The following KCTD16 variants were observed in gnomAD, a reference collection of about 807,000 sequenced individuals.
KCTD16 encodes the protein BTB/POZ domain-containing protein KCTD16.
A neutral mutation model predicts 33.2 loss-of-function variants in KCTD16; 13 were observed. That is an observed-to-expected ratio of 0.39 (90% CI 0.25 to 0.62). The LOEUF is 0.62. Ranked by LOEUF, KCTD16 falls within the 20% of genes least tolerant of loss-of-function variation. KCTD16 has a pLI of 0.50. For synonymous variants in KCTD16, 197 were observed against 195.3 expected (o/e 1.01, Z -0.07); for missense variants, 441 against 525.1 (o/e 0.84, Z 1.57).
intron 3 of KCTD16, among the ~76,000 whole-genome samples, chr5:144,451,278 T>A (rs750660852): frequency 6.6e-6 from 1 of 152,084 alleles, no homozygotes; most frequent in African/African-American, 2.4e-5. Context: ...AGTGGAGTAG[T>A]CAATTTCTCC....
At chr5:144,466,631 T>A (rs1391648668) in intron 3 of KCTD16, among the ~76,000 whole-genome samples, 1 of 152,072 alleles carries the variant, frequency 6.6e-6, no homozygotes, top group African/African-American at 2.4e-5. Flanking sequence ...TGTTTGAATA[T>A]TGTGTCCACT....
chr5:144,415,362 C>A (rs966492240), intron 3 of KCTD16, among the ~76,000 whole-genome samples: 4 of 152,182 alleles, frequency 2.6e-5, no homozygotes, highest in Non-Finnish European at 5.9e-5. Flanking sequence ...TAGCAACAAC[C>A]ATATTACCAT....
intron 3 of KCTD16, among the ~76,000 whole-genome samples, chr5:144,220,699 T>C (rs1753719356): frequency 6.6e-6 from 1 of 152,104 alleles, no homozygotes; most frequent in African/African-American, 2.4e-5. Flanking sequence ...CCCAGCACTT[T>C]GGGAGGCCGA....
chr5:144,243,199 G>T (rs1173023405), intron 3 of KCTD16, among the ~76,000 whole-genome samples: 1 of 152,018 alleles, frequency 6.6e-6, no homozygotes, highest in Non-Finnish European at 1.5e-5. Flanking sequence ...TATTACTTTT[G>T]ATGTGGATCT....
intron 3 of KCTD16, among the ~76,000 whole-genome samples, chr5:144,230,173 A>AT (rs1225809519): frequency 1.4e-4 from 21 of 152,300 alleles, no homozygotes; most frequent in African/African-American, 5.1e-4. Context: ...TCAGCAGTGC[A>AT]TTGCACTGTT....
chr5:144,311,794 T>C (rs1751773195), intron 3 of KCTD16, among the ~76,000 whole-genome samples: 1 of 152,178 alleles, frequency 6.6e-6, no homozygotes. Flanking sequence ...TATTACAGAC[T>C]TTTAAACACT....
intron 3 of KCTD16, among the ~76,000 whole-genome samples, chr5:144,418,792 T>C (rs1753143221): frequency 6.6e-6 from 1 of 152,202 alleles, no homozygotes; most frequent in Non-Finnish European, 1.5e-5. Context: ...ACTGTCTATG[T>C]GCCAGACCAT....
At chr5:144,209,454 A>G (rs1038363680) in intron 3 of KCTD16, among the ~76,000 whole-genome samples, 1 of 152,166 alleles carries the variant, frequency 6.6e-6, no homozygotes, top group Non-Finnish European at 1.5e-5. Flanking sequence ...GCACAAATGC[A>G]CAGGAACTTC....
chr5:144,344,718 A>C (rs1211280014), intron 3 of KCTD16, among the ~76,000 whole-genome samples: 2 of 150,502 alleles, frequency 1.3e-5, no homozygotes, highest in East Asian at 3.9e-4. Flanking sequence ...GGTGCTGGAG[A>C]GGATGTGGAG....
In KCTD16 at chr5:144,443,692, T is replaced by C. The variant is rs576835616; in HGVS notation, c.833-29968T>C. Among the ~76,000 whole-genome samples the C allele has an allele frequency of 6.3e-4, 96 of 152,242 alleles. 1 individual carries two copies. Among genetic ancestry groups the C allele is most frequent in the African/African-American group, 2.3e-3 (95 of 41,568 alleles). On this transcript the variant is annotated intron_variant, in intron 3 of 3. Coordinates refer to ENST00000512467, the MANE Select transcript of KCTD16 (RefSeq NM_020768.4). ...AACTCATTGATTTAAACATATTTGA[T>C]GGCTTAAATCTATTATAATTATTAT...
intron 3 of KCTD16, among the ~76,000 whole-genome samples, chr5:144,451,709 T>G (rs1257641042): frequency 6.6e-6 from 1 of 152,160 alleles, no homozygotes; most frequent in Non-Finnish European, 1.5e-5. Context: ...TCAGTTTGAT[T>G]TATTTAGACT....
At chr5:144,286,950 T>G (rs1338633124) in intron 3 of KCTD16, among the ~76,000 whole-genome samples, 1 of 152,218 alleles carries the variant, frequency 6.6e-6, no homozygotes, top group Non-Finnish European at 1.5e-5. Flanking sequence ...ATACATTTTA[T>G]GATTTACCTC....
chr5:144,180,796 G>A (rs950798741), intron 2 of KCTD16, among the ~76,000 whole-genome samples: 7 of 151,840 alleles, frequency 4.6e-5, no homozygotes, highest in African/African-American at 1.7e-4. Flanking sequence ...CTGAGAGAGA[G>A]AAAAAAAGCT....
intron 3 of KCTD16, among the ~76,000 whole-genome samples, chr5:144,401,821 C>G (rs963807709): frequency 1.3e-5 from 2 of 152,150 alleles, no homozygotes; most frequent in Non-Finnish European, 2.9e-5. Context: ...ATCTGTATTT[C>G]ATAGATATGG....
intron 3 of KCTD16, among the ~76,000 whole-genome samples, chr5:144,290,459 G>C (rs977046164): frequency 6.6e-6 from 1 of 152,092 alleles, no homozygotes; most frequent in African/African-American, 2.4e-5. Flanking sequence ...GCAATGATAG[G>C]TATTCTTCAA....
At chr5:144,418,305 G>A (rs186557870) in intron 3 of KCTD16, among the ~76,000 whole-genome samples, 49 of 152,292 alleles carry the variant, frequency 3.2e-4, no homozygotes, top group African/African-American at 1.1e-3. Context: ...CTGGTGGCCT[G>A]CTTTTATTAC....
At chr5:144,180,293 T>A (rs949137446) in intron 2 of KCTD16, among the ~76,000 whole-genome samples, 1 of 152,146 alleles carries the variant, frequency 6.6e-6, no homozygotes, top group Non-Finnish European at 1.5e-5. Context: ...TGAGAACTTT[T>A]TATTTTGTTC....
chr5:144,470,041 A>G (rs1754434548), intron 3 of KCTD16, among the ~76,000 whole-genome samples: 2 of 151,898 alleles, frequency 1.3e-5, no homozygotes, highest in Admixed American at 1.3e-4. Context: ...ATTGTAACCT[A>G]TTTTCTCCCC....
At chr5:144,344,156 A>G (rs1435053144) in intron 3 of KCTD16, among the ~76,000 whole-genome samples, 2 of 152,180 alleles carry the variant, frequency 1.3e-5, no homozygotes, top group African/African-American at 4.8e-5. Context: ...GGCTAGCCGT[A>G]TGTAGAAAGC....
Sources: gnomAD v4.1 joint callset for allele counts (sites outside exome capture counted in the v4.1 genomes callset) on GRCh38, gnomAD v4.1.1 for gene constraint, MANE v1.5 for transcripts, NCBI Gene and HGNC (gene_info 2026-07-23, HGNC 2026-07-21) for gene names.